ANO6: variants seen among roughly 807,000 people sequenced by gnomAD.
The protein encoded by ANO6 is anoctamin-6.
Under a neutral mutation model 117.5 loss-of-function variants are expected in ANO6, and 106 were observed. The ratio of observed to expected loss-of-function variants is 0.90; its 90% CI spans 0.77 to 1.06. The LOEUF (loss-of-function observed/expected upper bound fraction) is 1.06, where lower values mean the gene tolerates loss of function less well. Among genes scored for constraint, ANO6 ranks in the 50% least tolerant of loss-of-function variants. ANO6 has a pLI of 0.00. For missense variants in ANO6, 955 were observed against 1,121.1 expected, an observed-to-expected ratio of 0.85 and a Z score of 2.12; for synonymous variants, 367 against 385.1, an observed-to-expected ratio of 0.95 and a Z score of 0.55.
rs533745905 is a variant in ANO6 at position 45,409,656 on chromosome 12, C to T, written c.2011+169C>T. On this transcript the variant is annotated intron_variant, in intron 16 of 19. Coordinates refer to ENST00000320560, the MANE Select transcript of ANO6 (RefSeq NM_001025356.3). ...CAATCCAGCTTTCAGATAAGGTGGT[C>T]ATGTATGTCTTTGTCAATATTTATG... Among the ~76,000 whole-genome samples the T allele has an allele frequency of 4.6e-5, 7 of 152,204 alleles. No individual in the cohort carries two copies. The South Asian group carries it at 1.5e-3, about 32-fold the overall frequency.
intron 14 of ANO6, 21 bp downstream of exon 14, chr12:45,403,262 T>C (rs1942843328): frequency 6.2e-7 from 1 of 1,611,016 alleles, no homozygotes; most frequent in Admixed American, 1.7e-5. Context: ...ATAATTGTAT[T>C]ATCTTGCCAG....
intron 1 of ANO6, among the ~76,000 whole-genome samples, chr12:45,243,201 C>A (rs550966214): frequency 6.6e-6 from 1 of 152,292 alleles, no homozygotes; most frequent in Admixed American, 6.5e-5. Context: ...CACCTGTAGT[C>A]TCAGCCACTC....
chr12:45,265,981 AC>A (rs1938202306), intron 1 of ANO6, among the ~76,000 whole-genome samples: 1 of 152,190 alleles, frequency 6.6e-6, no homozygotes. Flanking sequence ...GATAAGGCAG[AC>A]CTGAACATAA....
At chr12:45,381,855 T>TA (rs1374932518) in intron 10 of ANO6, among the ~76,000 whole-genome samples, 5 of 151,880 alleles carry the variant, frequency 3.3e-5, no homozygotes, top group Non-Finnish European at 7.4e-5. Flanking sequence ...TTGCTTATGT[T>TA]ACTCTTTGTG....
chr12:45,263,972 T>C (rs1938132555), intron 1 of ANO6, among the ~76,000 whole-genome samples: 1 of 152,222 alleles, frequency 6.6e-6, no homozygotes, highest in Non-Finnish European at 1.5e-5. Context: ...CAGTCTGTTA[T>C]CAGAGCTGGA....
intron 8 of ANO6, among the ~76,000 whole-genome samples, chr12:45,358,783 CTT>C (rs397688092): frequency 3.6e-4 from 52 of 142,500 alleles, no homozygotes; most frequent in Middle Eastern, 3.6e-3. Context: ...TATGTCCCTC[CTT>C]TTTTTTTTTT....
chr12:45,376,939 A>C (rs894947859), intron 9 of ANO6, among the ~76,000 whole-genome samples: 6 of 152,164 alleles, frequency 3.9e-5, no homozygotes, highest in African/African-American at 1.4e-4. Flanking sequence ...TTGCTTTCTC[A>C]TCACAATCAA....
intron 2 of ANO6, among the ~76,000 whole-genome samples, chr12:45,316,950 C>A (rs917248603): frequency 8.1e-5 from 12 of 148,460 alleles, no homozygotes; most frequent in African/African-American, 3.0e-4. Flanking sequence ...GAACTTAAAA[C>A]ACTTAAAACT....
chr12:45,437,775 G>C (rs1188896644), intron 19 of ANO6, among the ~76,000 whole-genome samples: 1 of 152,030 alleles, frequency 6.6e-6, no homozygotes, highest in African/African-American at 2.4e-5. Context: ...TTACCATGTT[G>C]CCCAGGCTGG....
chr12:45,325,953 A>G (rs1157529186), intron 2 of ANO6, among the ~76,000 whole-genome samples: 2 of 152,150 alleles, frequency 1.3e-5, no homozygotes, highest in African/African-American at 2.4e-5. Flanking sequence ...TGTCATTTCA[A>G]AGTTCTGTTT....
intron 9 of ANO6, among the ~76,000 whole-genome samples, chr12:45,370,263 C>T (rs1163668453): frequency 6.6e-6 from 1 of 152,214 alleles, no homozygotes; most frequent in Non-Finnish European, 1.5e-5. Flanking sequence ...CTTTCTCAAG[C>T]GTCCAGGATT....
intron 2 of ANO6, among the ~76,000 whole-genome samples, chr12:45,320,277 T>C (rs1326218166): frequency 6.6e-6 from 1 of 152,136 alleles, no homozygotes; most frequent in African/African-American, 2.4e-5. Flanking sequence ...TTTCCCTCTA[T>C]GCACTGCTTT....
At position 45,339,605 on chromosome 12, in the gene ANO6, T is replaced by C. The variant is rs1331621137; in HGVS notation, c.280-7417T>C. Among the ~76,000 whole-genome samples the C allele has an allele frequency of 2.6e-5, 4 of 152,152 alleles. No homozygotes were observed. The East Asian group carries it at 7.7e-4, about 29-fold the overall frequency. ...TTTTTTGTCCCCTAGTGAACATACATTACTCAGTTGAGTAAATTCCTCATC... is the reference window on the plus strand; with the variant it reads ...TTTTTTGTCCCCTAGTGAACATACACTACTCAGTTGAGTAAATTCCTCATC... On this transcript the variant is annotated intron_variant, in intron 3 of 19. Transcript: ENST00000320560.
intron 1 of ANO6, among the ~76,000 whole-genome samples, chr12:45,235,553 CTAGTTG>C (rs1320203021): frequency 5.3e-5 from 8 of 152,166 alleles, no homozygotes; most frequent in Non-Finnish European, 1.0e-4. Flanking sequence ...GAGGAATGAC[CTAGTTG>C]AGTGGCATGA....
At chr12:45,354,999 G>A (rs1174094901) in intron 7 of ANO6, among the ~76,000 whole-genome samples, 1 of 152,032 alleles carries the variant, frequency 6.6e-6, no homozygotes, top group African/African-American at 2.4e-5. Context: ...AGCACTTCTC[G>A]CATGTTATTT....
At chr12:45,381,267 C>T (rs1011503475) in intron 10 of ANO6, among the ~76,000 whole-genome samples, 1 of 152,078 alleles carries the variant, frequency 6.6e-6, no homozygotes, top group Admixed American at 6.5e-5. Flanking sequence ...GTTATTGATC[C>T]CCAAGTTCCA....
In ANO6 at chr12:45,432,288, CTGTGCATTTTAATATTCTTTTATAATTA is replaced by C. The variant is rs1943653140; in HGVS notation, c.*2980_*3007del. The C allele has an allele frequency of 9.7e-6, 9 of 926,468 alleles. No individual in the cohort carries two copies. Among genetic ancestry groups the C allele is most frequent in the Non-Finnish European group, 1.2e-5 (9 of 777,200 alleles). 57.4% of individuals were successfully genotyped at this position (926,468 alleles called of 1,614,324 possible). On this transcript the variant is annotated 3_prime_UTR_variant, in exon 20 of 20. Coordinates refer to ENST00000320560, the MANE Select transcript of ANO6 (RefSeq NM_001025356.3). Reference sequence around the variant, plus strand: ...CTTTTATAATTATTAATGTTAATTTCTGTGCATTTTAATATTCTTTTATAATTATGAGCATTTTAATAAATTCATTTTT... The same window carrying C: ...CTTTTATAATTATTAATGTTAATTTCTGAGCATTTTAATAAATTCATTTTT...
chr12:45,360,467 T>A (rs1331165913), intron 8 of ANO6, among the ~76,000 whole-genome samples: 2 of 152,236 alleles, frequency 1.3e-5, no homozygotes, highest in Non-Finnish European at 2.9e-5. Context: ...AGTCTCCACC[T>A]CTTAATATTA....
Position 45,378,181 on chromosome 12 carries a change from A to C in ANO6, c.1165+68A>C, listed in dbSNP as rs182081756. Reference sequence around the variant, plus strand: ...TTACACAGTTTTATGTAGGCTATCAAAGTAACCCACTTTTAGGATCTTGTA... The same window carrying C: ...TTACACAGTTTTATGTAGGCTATCACAGTAACCCACTTTTAGGATCTTGTA... On this transcript the variant is annotated intron_variant, in intron 10 of 19. Coordinates refer to ENST00000320560, the MANE Select transcript of ANO6 (RefSeq NM_001025356.3). The C allele has an allele frequency of 3.4e-6, 5 of 1,477,378 alleles. No individual in the cohort carries two copies. The African/African-American group carries it at 5.6e-5, about 17-fold the overall frequency. The allele number at this position is 1,477,378 out of a possible 1,614,324, so 91.5% of individuals were successfully genotyped here.
Sources: gnomAD v4.1 joint callset for allele counts (sites outside exome capture counted in the v4.1 genomes callset) on GRCh38, gnomAD v4.1.1 for gene constraint, MANE v1.5 for transcripts, NCBI Gene and HGNC (gene_info 2026-07-23, HGNC 2026-07-21) for gene names.